ADK: variants seen among roughly 807,000 people sequenced by gnomAD.
The protein encoded by ADK is N6,N6-dimethyladenosine kinase.
Under a neutral mutation model 44.7 loss-of-function variants are expected in ADK, and 24 were observed. The ratio of observed to expected loss-of-function variants is 0.54; its 90% CI spans 0.39 to 0.76. ADK has a LOEUF of 0.76. Ranked by LOEUF, ADK falls within the 30% of genes least tolerant of loss-of-function variation. The pLI, the probability that ADK is intolerant of heterozygous loss-of-function variation, is 0.00. For missense variants in ADK, 321 were observed against 425.1 expected (o/e 0.76, Z 2.15); for synonymous variants, 128 against 142.6 (o/e 0.90, Z 0.73).
intron 6 of ADK, among the ~76,000 whole-genome samples, chr10:74,467,798 A>G (rs1846416771): frequency 6.6e-6 from 1 of 152,044 alleles, no homozygotes; most frequent in Non-Finnish European, 1.5e-5. Flanking sequence ...TATGCCTTGG[A>G]ATCACAATGA....
chr10:74,678,505 C>T (rs1157098237), intron 10 of ADK, among the ~76,000 whole-genome samples: 1 of 152,174 alleles, frequency 6.6e-6, no homozygotes, highest in Non-Finnish European at 1.5e-5. Context: ...ACCTAATATC[C>T]TGAATGGCCT....
At chr10:74,558,242 G>A (rs931710553) in intron 7 of ADK, among the ~76,000 whole-genome samples, 1 of 152,150 alleles carries the variant, frequency 6.6e-6, no homozygotes, top group Admixed American at 6.5e-5. Context: ...CTGTTGCCCA[G>A]GCTGGAGTGC....
chr10:74,287,663 A>G lies in ADK; in HGVS notation c.195-27004A>G, dbSNP rs577159419. 9.2e-5 allele frequency among the ~76,000 whole-genome samples: 14 copies of G among 152,260 alleles called. No homozygotes were observed. The South Asian group carries it at 2.9e-3, about 32-fold the overall frequency. ...TGTTATTAACTGAAGGGAAAAGAAA[A>G]TATAAAAATATATCTGTTATAAAAT... On this transcript the variant is annotated intron_variant, in intron 3 of 10. Transcript: ENST00000539909.
chr10:74,315,284 T>C (rs1248476929), intron 4 of ADK, among the ~76,000 whole-genome samples: 2 of 152,162 alleles, frequency 1.3e-5, no homozygotes, highest in African/African-American at 4.8e-5. Flanking sequence ...TAAATGTACA[T>C]TCATATATTC....
chr10:74,507,269 C>T (rs1226165276), intron 6 of ADK, among the ~76,000 whole-genome samples: 1 of 152,072 alleles, frequency 6.6e-6, no homozygotes. Context: ...ATGCATTCTT[C>T]CATAAGCATG....
chr10:74,423,654 G>A, intron 6 of ADK: 2 of 402,556 alleles, frequency 5.0e-6, no homozygotes, highest in East Asian at 7.3e-5. Context: ...GGGCTTTCTT[G>A]CTGGCCAGGT....
intron 10 of ADK, among the ~76,000 whole-genome samples, chr10:74,705,296 AGCAGCTC>A (rs1856563391): frequency 1.3e-5 from 2 of 152,134 alleles, no homozygotes; most frequent in Non-Finnish European, 2.9e-5. Context: ...GCAGCAGCTC[AGCAGCTC>A]AGGTTTCCCC....
At chr10:74,245,202 A>G (rs1845372647) in intron 3 of ADK, among the ~76,000 whole-genome samples, 1 of 152,230 alleles carries the variant, frequency 6.6e-6, no homozygotes, top group Admixed American at 6.5e-5. Context: ...AATTATTGGT[A>G]ACAGAATGAA....
intron 4 of ADK, among the ~76,000 whole-genome samples, chr10:74,377,430 T>A (rs772392584): frequency 1.1e-4 from 16 of 152,224 alleles, no homozygotes; most frequent in South Asian, 6.2e-4. Context: ...AGGGGTTACA[T>A]GTATGTATGA....
chr10:74,330,595 G>A (rs1227013813), intron 4 of ADK, among the ~76,000 whole-genome samples: 1 of 152,076 alleles, frequency 6.6e-6, no homozygotes, highest in Admixed American at 6.5e-5. Flanking sequence ...ATCATTAAAG[G>A]CATCATTACT....
chr10:74,570,503 C>T (rs1396681175), intron 7 of ADK, among the ~76,000 whole-genome samples: 1 of 152,038 alleles, frequency 6.6e-6, no homozygotes, highest in African/African-American at 2.4e-5. Flanking sequence ...AGAGGTCCTT[C>T]ACATCCCTTG....
chr10:74,595,997 CAAA>C (rs35924345), intron 8 of ADK, among the ~76,000 whole-genome samples: 3 of 62,700 alleles, frequency 4.8e-5, no homozygotes, highest in Non-Finnish European at 1.0e-4. Context: ...AATTCCATCT[CAAA>C]AAAAAAAAAA....
chr10:74,280,687 A>G (rs1218151184), intron 3 of ADK, among the ~76,000 whole-genome samples: 1 of 152,078 alleles, frequency 6.6e-6, no homozygotes, highest in Non-Finnish European at 1.5e-5. Flanking sequence ...GCTGTTTATA[A>G]TTCAGCTTTC....
At chr10:74,209,516 C>T (rs1204538590) in intron 2 of ADK, among the ~76,000 whole-genome samples, 1 of 152,124 alleles carries the variant, frequency 6.6e-6, no homozygotes, top group East Asian at 1.9e-4. Flanking sequence ...GGGACCAAGA[C>T]ATATACCAAA....
intron 4 of ADK, among the ~76,000 whole-genome samples, chr10:74,391,148 T>C (rs1337963307): frequency 1.3e-5 from 2 of 152,218 alleles, no homozygotes; most frequent in African/African-American, 4.8e-5. Context: ...TTCCTTATAA[T>C]TATTCCATTA....
At chr10:74,471,320 T>C (rs148933831) in intron 6 of ADK, among the ~76,000 whole-genome samples, 6,970 of 152,136 alleles carry the variant, frequency 0.046, 556 homozygotes, top group African/African-American at 0.16. Context: ...GTGATCCACC[T>C]GCCTCAGCCT....
intron 1 of ADK, among the ~76,000 whole-genome samples, chr10:74,195,089 C>G (rs889786541): frequency 1.1e-5 from 1 of 89,566 alleles, no homozygotes; most frequent in Non-Finnish European, 2.7e-5. Context: ...GCTCCCCCCC[C>G]CAAAAAAAAA....
At chr10:74,191,457 G>T (rs186981545) in intron 1 of ADK, among the ~76,000 whole-genome samples, 1 of 151,834 alleles carries the variant, frequency 6.6e-6, no homozygotes, top group Non-Finnish European at 1.5e-5. Context: ...ACAGGGTCTC[G>T]CCCAGGCTGG....
chr10:74,508,272 C>T (rs1420300954), intron 6 of ADK: 2 of 152,096 alleles, frequency 1.3e-5, no homozygotes, highest in Admixed American at 1.3e-4. Context: ...ATGGATTTTG[C>T]TTTATGTATA....
Sources: gnomAD v4.1 joint callset for allele counts (sites outside exome capture counted in the v4.1 genomes callset) on GRCh38, gnomAD v4.1.1 for gene constraint, MANE v1.5 for transcripts, NCBI Gene and HGNC (gene_info 2026-07-23, HGNC 2026-07-21) for gene names.